PRKCG: variants seen among roughly 807,000 people sequenced by gnomAD.
PRKCG encodes protein kinase C gamma.
PRKCG carries 28 observed loss-of-function variants against 82.0 expected under a neutral mutation model. The ratio of observed to expected loss-of-function variants is 0.34; its 90% CI spans 0.25 to 0.47. The LOEUF (loss-of-function observed/expected upper bound fraction) is 0.47, where lower values mean the gene tolerates loss of function less well. PRKCG is among the 20% of genes least tolerant of loss of function. The pLI is 1.00. For missense variants in PRKCG, 640 were observed against 952.7 expected (o/e 0.67, Z 4.32); for synonymous variants, 383 against 376.6 (o/e 1.02, Z -0.20).
intron 16 of PRKCG, 44 bp downstream of exon 16, chr19:53,904,786 A>C (rs377426533): frequency 1.4e-5 from 20 of 1,472,900 alleles, no homozygotes; most frequent in Non-Finnish European, 1.7e-5. Context: ...TCACAACCAC[A>C]CACCCCATTG....
intron 15 of PRKCG, 111 bp downstream of exon 15, chr19:53,903,264 C>G: frequency 1.2e-6 from 1 of 847,946 alleles, no homozygotes; most frequent in Middle Eastern, 2.4e-4. Flanking sequence ...TCGAATAGCG[C>G]TGTCCATGGT....
intron 15 of PRKCG, among the ~76,000 whole-genome samples, chr19:53,904,147 G>A (rs1305172675): frequency 6.6e-6 from 1 of 151,944 alleles, no homozygotes; most frequent in Non-Finnish European, 1.5e-5. Flanking sequence ...TGTAATCCAA[G>A]CACTTTGGGA....
Position 53,894,881 on chromosome 19 carries a change from A to T in PRKCG, c.939+1490A>T, listed in dbSNP as rs2068706845. 1.3e-5 allele frequency among the ~76,000 whole-genome samples: 2 copies of T among 152,202 alleles called. 1 individual carries two copies. Among genetic ancestry groups the T allele is most frequent in the South Asian group, 4.1e-4 (2 of 4,832 alleles). On this transcript the variant is annotated intron_variant, in intron 9 of 17. Coordinates refer to ENST00000263431, the MANE Select transcript of PRKCG (RefSeq NM_002739.5). ...GTTACAAACCCAGACATTCACAACG[A>T]GGAGCAATGCTGCTGTAATGGAGAC...
In PRKCG at chr19:53,900,188, C is replaced by G; in HGVS notation, c.1282-45C>G. Reference sequence around the variant, plus strand: ...TGATCAGGAAAGAAATTCTCCTACTCTGGGTAGATGGATCCCGCCTCTAAG... The same window carrying G: ...TGATCAGGAAAGAAATTCTCCTACTGTGGGTAGATGGATCCCGCCTCTAAG... On this transcript the variant is annotated intron_variant, in intron 11 of 17. Coordinates refer to ENST00000263431, the MANE Select transcript of PRKCG (RefSeq NM_002739.5). This position sits in a 1 kb window ranked among gnomAD's most constrained non-coding sequence, Gnocchi z 4.2. 6.4e-7 allele frequency: 1 copy of G among 1,552,930 alleles called. No individual in the cohort carries two copies. The highest frequency in any genetic ancestry group is 8.9e-7 in the Non-Finnish European group (1 of 1,124,326).
chr19:53,906,541 G>C (rs1264420417), intron 17 of PRKCG, 84 bp downstream of exon 17: 1 of 1,574,238 alleles, frequency 6.4e-7, no homozygotes, highest in Non-Finnish European at 8.6e-7. Context: ...ATGTGGGGGT[G>C]GGGTTCCCTC....
chr19:53,888,403 G>T (rs2068647786), intron 3 of PRKCG, among the ~76,000 whole-genome samples: 1 of 152,154 alleles, frequency 6.6e-6, no homozygotes, highest in African/African-American at 2.4e-5. Flanking sequence ...GGGAGAAGGA[G>T]AAGCTTCACT....
Position 53,882,697 on chromosome 19 carries a change from A to C in PRKCG, c.170+33A>C, listed in dbSNP as rs199605129. ...AAGGGGGCTGGGGGACTGGGGGACGAGGGGACTAGGGGTGCAGACTCCTAT... is the reference window on the plus strand; with the variant it reads ...AAGGGGGCTGGGGGACTGGGGGACGCGGGGACTAGGGGTGCAGACTCCTAT... On this transcript the variant is annotated intron_variant, in intron 1 of 17. Coordinates refer to ENST00000263431, the MANE Select transcript of PRKCG (RefSeq NM_002739.5). The surrounding 1 kb of genome is among the most constrained non-coding windows in gnomAD (Gnocchi z 6.1). 182 of 768,106 alleles carry C rather than the reference A, an allele frequency of 2.4e-4. No individual in the cohort carries two copies. The highest frequency in any genetic ancestry group is 4.7e-4 in the Middle Eastern group (1 of 2,110). The allele number at this position is 768,106 out of a possible 1,614,324, so 47.6% of individuals were successfully genotyped here.
chr19:53,889,815 G>T lies in PRKCG; in HGVS notation c.397+66G>T. ...CGGTCTGGGTTCCGGGAAATGCCCG[G>T]GATGGGGTGGGGGGTGGAGTCTTGG... On this transcript the variant is annotated intron_variant, in intron 4 of 17. Coordinates refer to ENST00000263431, the MANE Select transcript of PRKCG (RefSeq NM_002739.5). The surrounding 1 kb of genome is among the most constrained non-coding windows in gnomAD (Gnocchi z 4.4). 1 of 1,579,586 alleles carries T rather than the reference G, an allele frequency of 6.3e-7. No homozygotes were observed. Among genetic ancestry groups the T allele is most frequent in the Non-Finnish European group, 8.6e-7 (1 of 1,162,778 alleles).
chr19:53,894,185 C>A (rs1397629991), intron 9 of PRKCG, among the ~76,000 whole-genome samples: 1 of 152,184 alleles, frequency 6.6e-6, no homozygotes, highest in Non-Finnish European at 1.5e-5. Context: ...CCTGCATCAG[C>A]CTCCTGAGTA....
chr19:53,892,990 A>G lies in PRKCG; in HGVS notation c.824A>G (p.Tyr275Cys), dbSNP rs1208062006. 6.2e-7 allele frequency: 1 copy of G among 1,613,840 alleles called. No individual in the cohort carries two copies. Among genetic ancestry groups the G allele is most frequent in the Non-Finnish European group, 8.5e-7 (1 of 1,179,872 alleles). The change falls in exon 8 of 18, where the codon TAC (tyrosine) becomes TGC (cysteine). Residue 275 changes from tyrosine to cysteine, a missense_variant and splice_region_variant. Tyr to Cys is a radical substitution (Grantham distance 194). Coordinates refer to ENST00000263431, the MANE Select transcript of PRKCG (RefSeq NM_002739.5). The surrounding 1 kb of genome is among the most constrained non-coding windows in gnomAD (Gnocchi z 5.9). The stretch of plus-strand genomic sequence containing the variant: ...TCTGGTCTCCGTCTGTATGTCAGGT[A>G]CAAGTTACTGAACCAGGAGGAGGGC... ...ELLKAPVDGW[Y>C]KLLNQEEGEY...
intron 14 of PRKCG, among the ~76,000 whole-genome samples, chr19:53,902,326 A>T (rs934530088): frequency 6.6e-6 from 1 of 152,148 alleles, no homozygotes; most frequent in African/African-American, 2.4e-5. Context: ...AGGCAGGAGA[A>T]TCACTTGAAC....
chr19:53,893,217 T>G (rs1005510917), intron 8 of PRKCG, 142 bp downstream of exon 8: 3 of 1,239,780 alleles, frequency 2.4e-6, no homozygotes, highest in Non-Finnish European at 3.5e-6. Flanking sequence ...TCTGCTCTTC[T>G]AGGGGACTCG....
In PRKCG at chr19:53,900,259, C is replaced by A; in HGVS notation, c.1308C>A (p.Tyr436Ter). The part of the protein sequence containing the change: ...TPDRLYFVME[Y>*]VTGGDLMYHI... Reference sequence around the variant, plus strand: ...ACCGCCTGTATTTCGTGATGGAGTACGTCACCGGGGGAGACTTGATGTACC... The same window carrying A: ...ACCGCCTGTATTTCGTGATGGAGTAAGTCACCGGGGGAGACTTGATGTACC... Residue 436 changes from tyrosine to a stop codon, truncating the protein, a stop_gained, in exon 12 of 18, where the codon TAC becomes TAA. Coordinates refer to ENST00000263431, the MANE Select transcript of PRKCG (RefSeq NM_002739.5). LOFTEE classifies it high-confidence loss of function. This position sits in a 1 kb window ranked among gnomAD's most constrained non-coding sequence, Gnocchi z 4.2. 6.2e-7 allele frequency: 1 copy of A among 1,614,072 alleles called. No homozygotes were observed. Among genetic ancestry groups the A allele is most frequent in the Non-Finnish European group, 8.5e-7 (1 of 1,180,028 alleles).
In PRKCG at chr19:53,889,141, C is replaced by CA. The variant is rs918310905; in HGVS notation, c.286-496dup. ...CTAATTTTTGTATTTTTAGTAGAGA[C>CA]AGAGTTTTGCCATGTTGCCTAGCCT... On this transcript the variant is annotated intron_variant, in intron 3 of 17. Transcript: ENST00000263431. The surrounding 1 kb of genome is among the most constrained non-coding windows in gnomAD (Gnocchi z 4.4). Among the ~76,000 whole-genome samples, 1 of 152,024 alleles carries CA rather than the reference C, an allele frequency of 6.6e-6. No individual in the cohort carries two copies. Among genetic ancestry groups the CA allele is most frequent in the Admixed American group, 6.6e-5 (1 of 15,266 alleles).
At chr19:53,897,765 G>C (rs965615282) in intron 9 of PRKCG, among the ~76,000 whole-genome samples, 194 bp from the exon 10 acceptor site, 1 of 151,594 alleles carries the variant, frequency 6.6e-6, no homozygotes, top group African/African-American at 2.4e-5. Flanking sequence ...AGTGTTTGTT[G>C]AATAATAAAT....
chr19:53,907,003 C>T lies in PRKCG; in HGVS notation c.*108C>T. Reference sequence around the variant, plus strand: ...CCCTGTCCCATTCTAGATCCTGCACCCCAGCATTCCAGCTCTGCCCCCGCG... The same window carrying T: ...CCCTGTCCCATTCTAGATCCTGCACTCCAGCATTCCAGCTCTGCCCCCGCG... On this transcript the variant is annotated 3_prime_UTR_variant, in exon 18 of 18. Coordinates refer to ENST00000263431, the MANE Select transcript of PRKCG (RefSeq NM_002739.5). 6.4e-7 allele frequency: 1 copy of T among 1,561,222 alleles called. No homozygotes were observed. The highest frequency in any genetic ancestry group is 8.7e-7 in the Non-Finnish European group (1 of 1,155,792).
chr19:53,889,822 G>T lies in PRKCG; in HGVS notation c.398-64G>T, dbSNP rs1334329919. ...GGTTCCGGGAAATGCCCGGGATGGG[G>T]TGGGGGGTGGAGTCTTGGCTTGGGG... On this transcript the variant is annotated intron_variant, in intron 4 of 17. Coordinates refer to ENST00000263431, the MANE Select transcript of PRKCG (RefSeq NM_002739.5). This position sits in a 1 kb window ranked among gnomAD's most constrained non-coding sequence, Gnocchi z 4.4. The T allele has an allele frequency of 1.3e-6, 2 of 1,576,066 alleles. No individual in the cohort carries two copies. The highest frequency in any genetic ancestry group is 1.4e-5 in the African/African-American group (1 of 73,736).
chr19:53,890,144 C>T, intron 5 of PRKCG, 127 bp downstream of exon 5: 1 of 1,077,034 alleles, frequency 9.3e-7, no homozygotes, highest in East Asian at 2.6e-5. Context: ...TGGTCACGCC[C>T]ACACTCCTGA....
upstream of PRKCG, among the ~76,000 whole-genome samples, chr19:53,881,458 G>A (rs942242094): frequency 6.6e-6 from 1 of 151,938 alleles, no homozygotes; most frequent in Admixed American, 6.6e-5. Flanking sequence ...CAAAGACAGG[G>A]AAAGAAACAA....
Sources: gnomAD v4.1 joint callset for allele counts (sites outside exome capture counted in the v4.1 genomes callset) on GRCh38, gnomAD v4.1.1 for gene constraint, Gnocchi (gnomAD v3.1) non-coding constraint, MANE v1.5 for transcripts, NCBI Gene and HGNC (gene_info 2026-07-23, HGNC 2026-07-21) for gene names.